The following HDAC9 variants were observed in gnomAD, a reference collection of about 807,000 sequenced individuals.
HDAC9 encodes the protein MEF-2 interacting transcription repressor (MITR) protein.
Under a neutral mutation model 139.4 loss-of-function variants are expected in HDAC9, and 41 were observed. That is an observed-to-expected ratio of 0.29 (90% CI 0.23 to 0.38). The LOEUF is 0.38. Ranked by LOEUF, HDAC9 falls within the 10% of genes least tolerant of loss-of-function variation. The pLI is 1.00. For synonymous variants in HDAC9, 517 were observed against 476.2 expected (o/e 1.09, Z -1.12); for missense variants, 1,147 against 1,297.0 (o/e 0.88, Z 1.78).
chr7:18,429,441 C>A (rs1346340), intron 1 of HDAC9: 78,292 of 151,986 alleles, frequency 0.52, 22,865 homozygotes, highest in Middle Eastern at 0.68. Flanking sequence ...AATACTCCTT[C>A]ACCCATTTTT....
chr7:18,511,397 G>A (rs1801454955), intron 2 of HDAC9, among the ~76,000 whole-genome samples: 3 of 151,760 alleles, frequency 2.0e-5, no homozygotes, highest in South Asian at 4.2e-4. Context: ...TAACTCTAAC[G>A]TTAGAAACCT....
At chr7:18,228,241 C>G (rs965334936) in intron 2 of HDAC9, among the ~76,000 whole-genome samples, 2 of 151,224 alleles carry the variant, frequency 1.3e-5, no homozygotes, top group South Asian at 4.2e-4. Context: ...AATTTTATTT[C>G]TATTGTTGCC....
At chr7:18,156,622 A>G (rs913494422) in intron 1 of HDAC9, among the ~76,000 whole-genome samples, 2 of 152,234 alleles carry the variant, frequency 1.3e-5, no homozygotes, top group Non-Finnish European at 2.9e-5. Flanking sequence ...TGGGGGTTAC[A>G]AAGATGAATG....
chr7:18,638,328 T>C (rs769761439), intron 8 of HDAC9, among the ~76,000 whole-genome samples: 6 of 152,006 alleles, frequency 3.9e-5, no homozygotes, highest in Non-Finnish European at 8.8e-5. Flanking sequence ...GAAAACAAAA[T>C]TTTCTATCTT....
intron 21 of HDAC9, among the ~76,000 whole-genome samples, chr7:18,857,616 C>A (rs1797788572): frequency 6.6e-6 from 1 of 152,000 alleles, no homozygotes; most frequent in African/African-American, 2.4e-5. Context: ...TCCCTTTGAA[C>A]TGGAAGAAAT....
intron 8 of HDAC9, among the ~76,000 whole-genome samples, chr7:18,635,042 A>G (rs1783461299): frequency 6.6e-6 from 1 of 152,018 alleles, no homozygotes; most frequent in Non-Finnish European, 1.5e-5. Flanking sequence ...TTTATAAATC[A>G]GACAACCAAA....
At chr7:18,669,173 T>C (rs1795507745) in intron 12 of HDAC9, among the ~76,000 whole-genome samples, 1 of 151,740 alleles carries the variant, frequency 6.6e-6, no homozygotes, top group African/African-American at 2.4e-5. Flanking sequence ...TTTATCTAAA[T>C]AGATGTCAGT....
Position 18,767,122 on chromosome 7 carries a change from G to A in HDAC9, c.2181G>A (p.Lys727=), listed in dbSNP as rs146469500. The stretch of plus-strand genomic sequence containing the variant: ...ACTGTATAGGTGATGACTCTCAAAA[G>A]TTTTTTTCCTCATTACCTTGTGGTG... ...PRILLGDDSQ[K]FFSSLPCGGL... The change falls in exon 16 of 26, where the codon AAG becomes AAA. Residue 727 remains lysine (K), a synonymous_variant. Transcript: ENST00000686413. 5.5e-4 allele frequency: 863 copies of A among 1,572,990 alleles called. 3 individuals carry two copies. The African/African-American group carries it at 9.7e-3, about 18-fold the overall frequency.
intron 22 of HDAC9, among the ~76,000 whole-genome samples, chr7:18,880,809 T>A (rs954543122): frequency 2.9e-5 from 4 of 138,538 alleles, no homozygotes; most frequent in South Asian, 2.6e-4. Flanking sequence ...AAAAAAAAAA[T>A]TAAGTGATTT....
intron 12 of HDAC9, among the ~76,000 whole-genome samples, chr7:18,680,095 C>G (rs1255117678): frequency 6.6e-6 from 1 of 151,848 alleles, no homozygotes; most frequent in Non-Finnish European, 1.5e-5. Context: ...TGAATGGGAC[C>G]TACGAACCCA....
At chr7:18,725,897 G>C (rs144664852) in intron 12 of HDAC9, among the ~76,000 whole-genome samples, 1,742 of 152,244 alleles carry the variant, frequency 0.011, 12 homozygotes, top group Non-Finnish European at 0.019. Context: ...GCTAGAACTA[G>C]GTCCCTGACC....
chr7:18,700,140 T>TG (rs1433029996), intron 12 of HDAC9, among the ~76,000 whole-genome samples: 3 of 152,192 alleles, frequency 2.0e-5, no homozygotes, highest in Non-Finnish European at 4.4e-5. Context: ...GTCTCCCTTT[T>TG]GGAGAGGTAA....
chr7:18,686,727 A>T (rs1253135848), intron 12 of HDAC9, among the ~76,000 whole-genome samples: 1 of 151,908 alleles, frequency 6.6e-6, no homozygotes, highest in African/African-American at 2.4e-5. Context: ...AACTCTGTCA[A>T]CATTTATACA....
At chr7:18,178,122 C>T (rs1789085495) in intron 2 of HDAC9, among the ~76,000 whole-genome samples, 1 of 145,680 alleles carries the variant, frequency 6.9e-6, no homozygotes, top group Non-Finnish European at 1.5e-5. Context: ...CTTGCTCTGT[C>T]ACCCAGGCTG....
rs1381280654 is a variant in HDAC9 at position 18,840,185 on chromosome 7, A to G, written c.2684+4188A>G. Among the ~76,000 whole-genome samples the G allele has an allele frequency of 2.0e-5, 3 of 152,094 alleles. No individual in the cohort carries two copies. The East Asian group carries it at 5.8e-4, about 29-fold the overall frequency. The stretch of plus-strand genomic sequence containing the variant: ...AAATAATTAAAGTGACCCATCTGGC[A>G]TATACTGAGGACTAGCTAAAGAAAG... On this transcript the variant is annotated intron_variant, in intron 21 of 25. Transcript: ENST00000686413.
chr7:18,198,544 T>C (rs1199180368), intron 2 of HDAC9, among the ~76,000 whole-genome samples: 4 of 152,202 alleles, frequency 2.6e-5, no homozygotes, highest in Admixed American at 6.5e-5. Flanking sequence ...GTTAACATCA[T>C]ACAATCTCAC....
At chr7:18,925,086 A>G (rs145716458) in intron 22 of HDAC9, among the ~76,000 whole-genome samples, 1 of 152,302 alleles carries the variant, frequency 6.6e-6, no homozygotes, top group African/African-American at 2.4e-5. Flanking sequence ...TAACTACTGT[A>G]AGTTGTAGCT....
intron 12 of HDAC9, among the ~76,000 whole-genome samples, chr7:18,706,327 T>C (rs1783916444): frequency 6.6e-6 from 1 of 152,298 alleles, no homozygotes; most frequent in South Asian, 2.1e-4. Context: ...GGTTAAAGAC[T>C]TCGTTGATTT....
chr7:18,330,548 C>T (rs963128955), intron 1 of HDAC9, among the ~76,000 whole-genome samples: 2 of 151,450 alleles, frequency 1.3e-5, no homozygotes, highest in African/African-American at 4.8e-5. Flanking sequence ...TAGAATACTT[C>T]TGAAACCACC....
Sources: gnomAD v4.1 joint callset for allele counts (sites outside exome capture counted in the v4.1 genomes callset) on GRCh38, gnomAD v4.1.1 for gene constraint, MANE v1.5 for transcripts, NCBI Gene and HGNC (gene_info 2026-07-23, HGNC 2026-07-21) for gene names.